RGS12: variants seen among roughly 807,000 people sequenced by gnomAD.
The protein encoded by RGS12 is regulator of G protein signaling 12.
RGS12 carries 66 observed loss-of-function variants against 120.1 expected under a neutral mutation model. The ratio of observed to expected loss-of-function variants is 0.55; its 90% CI spans 0.45 to 0.67. The LOEUF is 0.67. RGS12 is among the 30% of genes least tolerant of loss of function. The pLI is 0.00. For synonymous variants in RGS12, 827 were observed against 804.7 expected (o/e 1.03, Z -0.47); for missense variants, 1,859 against 1,957.7 (o/e 0.95, Z 0.95).
intron 3 of RGS12, among the ~76,000 whole-genome samples, chr4:3,377,138 G>A (rs1717789873): frequency 6.6e-6 from 1 of 151,956 alleles, no homozygotes; most frequent in East Asian, 1.9e-4. Flanking sequence ...CTCTGTGCAG[G>A]AGCCATCAGA....
chr4:3,414,364 G>A, intron 5 of RGS12, 123 bp downstream of exon 5: 5 of 1,129,420 alleles, frequency 4.4e-6, no homozygotes, highest in Non-Finnish European at 6.1e-6. Flanking sequence ...CCCGTGGCAG[G>A]GGTCTCCCCT....
intron 4 of RGS12, among the ~76,000 whole-genome samples, chr4:3,412,583 C>T (rs1328588578): frequency 6.6e-6 from 1 of 152,242 alleles, no homozygotes; most frequent in African/African-American, 2.4e-5. Context: ...GGCGGCTTAT[C>T]CTGCGCACCG....
At chr4:3,368,590 GCC>G in intron 3 of RGS12, among the ~76,000 whole-genome samples, 2 of 133,122 alleles carry the variant, frequency 1.5e-5, no homozygotes, top group African/African-American at 2.9e-5. Flanking sequence ...CTGTGTGTGT[GCC>G]TGTGTGTGTG....
At chr4:3,327,896 C>A (rs1560089283) in intron 2 of RGS12, among the ~76,000 whole-genome samples, 1 of 152,158 alleles carries the variant, frequency 6.6e-6, no homozygotes, top group Non-Finnish European at 1.5e-5. Flanking sequence ...TATCTGTCTA[C>A]CCATAGGAAA....
At chr4:3,395,637 A>T (rs1719976069) in intron 4 of RGS12, among the ~76,000 whole-genome samples, 1 of 152,168 alleles carries the variant, frequency 6.6e-6, no homozygotes, top group South Asian at 2.1e-4. Flanking sequence ...CTTTAATTGT[A>T]TTAATAGTTT....
chr4:3,327,488 A>AT (rs1725630768), intron 2 of RGS12, among the ~76,000 whole-genome samples: 1 of 152,248 alleles, frequency 6.6e-6, no homozygotes, highest in African/African-American at 2.4e-5. Context: ...GAGTGAACAG[A>AT]TAGCCTGCAG....
intron 1 of RGS12, among the ~76,000 whole-genome samples, chr4:3,293,514 G>C (rs1472509707): frequency 6.6e-6 from 1 of 152,038 alleles, no homozygotes; most frequent in Non-Finnish European, 1.5e-5. Flanking sequence ...CGGACTCCAC[G>C]AGCGGCCGCT....
chr4:3,422,851 G>GT, intron 11 of RGS12, 54 bp from the exon 12 acceptor site: 1 of 1,517,882 alleles, frequency 6.6e-7, no homozygotes, highest in Non-Finnish European at 9.1e-7. Flanking sequence ...GTGGGTCTGC[G>GT]TTTGGGGGGC....
intron 3 of RGS12, among the ~76,000 whole-genome samples, chr4:3,350,888 C>G (rs1714289835): frequency 6.6e-6 from 1 of 152,088 alleles, no homozygotes; most frequent in Non-Finnish European, 1.5e-5. Flanking sequence ...AAAGCAAATA[C>G]AGACACAAAT....
chr4:3,432,718 C>T (rs1022816799), intron 17 of RGS12, among the ~76,000 whole-genome samples: 2 of 152,228 alleles, frequency 1.3e-5, no homozygotes, highest in Admixed American at 6.5e-5. Context: ...GTGGCTGCCC[C>T]GACTGCCACT....
chr4:3,319,802 G>A (rs1321776651), intron 2 of RGS12, among the ~76,000 whole-genome samples: 1 of 152,174 alleles, frequency 6.6e-6, no homozygotes, highest in Non-Finnish European at 1.5e-5. Context: ...GTCTTTCCTT[G>A]TCTCTTGATC....
chr4:3,342,573 C>G lies in RGS12; in HGVS notation c.1882-364C>G, dbSNP rs142923428. ...AATCATCATACTAGTCATCTTTACT[C>G]TCAGTGTACTGTGTCCACTTTCCAA... is the stretch of plus-strand genomic sequence containing the variant. On this transcript the variant is annotated intron_variant, in intron 2 of 17. Coordinates refer to ENST00000336727, the MANE Select transcript of RGS12 (RefSeq NM_001394154.1). The G allele has an allele frequency of 3.8e-6, 5 of 1,305,750 alleles. No homozygotes were observed. In the African/African-American group the frequency reaches 6.0e-5, roughly 16 times the overall value. The allele number at this position is 1,305,750 out of a possible 1,614,324, so 80.9% of individuals were successfully genotyped here.
At chr4:3,314,820 T>A (rs1578706621) in intron 1 of RGS12, 1 of 152,280 alleles carries the variant, frequency 6.6e-6, no homozygotes, top group Non-Finnish European at 1.5e-5. Flanking sequence ...CAGAAGAGAC[T>A]ACACAGCAGG....
rs1469609540 is a variant in RGS12 at position 3,365,162 on chromosome 4, G to A, written c.1999-21254G>A. The stretch of plus-strand genomic sequence containing the variant: ...CCTGGACTCAGGGACTGGGCAGAGA[G>A]GGGATGTTCAGGGCCAGGGATGGCA... On this transcript the variant is annotated intron_variant, in intron 3 of 17. Transcript: ENST00000336727. This position sits in a 1 kb window ranked among gnomAD's most constrained non-coding sequence, Gnocchi z 4.0. Among the ~76,000 whole-genome samples the A allele has an allele frequency of 6.6e-6, 1 of 152,186 alleles. No individual in the cohort carries two copies.
chr4:3,295,547 C>T (rs1467585699), intron 1 of RGS12, among the ~76,000 whole-genome samples: 2 of 151,642 alleles, frequency 1.3e-5, no homozygotes, highest in Non-Finnish European at 2.9e-5. Context: ...GTAATCCCAG[C>T]TACTCGGGAG....
chr4:3,392,560 T>C (rs1719611049), intron 4 of RGS12, among the ~76,000 whole-genome samples: 2 of 152,354 alleles, frequency 1.3e-5, no homozygotes, highest in African/African-American at 4.8e-5. Flanking sequence ...GTGTCAGATA[T>C]ACAGCTCATT....
chr4:3,325,667 G>A (rs1725509139), intron 2 of RGS12, among the ~76,000 whole-genome samples: 1 of 152,112 alleles, frequency 6.6e-6, no homozygotes, highest in Non-Finnish European at 1.5e-5. Context: ...GGAGGATGAG[G>A]GATTTCTTCC....
chr4:3,416,890 C>A (rs1357760416), intron 7 of RGS12, 23 bp from the exon 8 acceptor site: 1 of 1,575,422 alleles, frequency 6.3e-7, no homozygotes, highest in Non-Finnish European at 8.7e-7. Flanking sequence ...CTGTGACTGT[C>A]CCACCTTACA....
intron 17 of RGS12, among the ~76,000 whole-genome samples, chr4:3,438,995 C>T (rs991896594): frequency 2.6e-5 from 4 of 152,134 alleles, no homozygotes; most frequent in East Asian, 1.9e-4. Flanking sequence ...GCTCAGGGCC[C>T]GTTCCACCAG....
Sources: allele counts gnomAD v4.1 joint callset (sites outside exome capture counted in the v4.1 genomes callset), GRCh38; gene constraint gnomAD v4.1.1; non-coding constraint Gnocchi (gnomAD v3.1); transcripts MANE v1.5; gene names NCBI Gene and HGNC (gene_info 2026-07-23, HGNC 2026-07-21).